The following MYO1H variants were observed in gnomAD, a reference collection of about 807,000 sequenced individuals.
MYO1H encodes unconventional myosin-Ih.
A neutral mutation model predicts 149.3 loss-of-function variants in MYO1H; 118 were observed. The ratio of observed to expected loss-of-function variants is 0.79; its 90% confidence interval spans 0.68 to 0.92. The LOEUF (loss-of-function observed/expected upper bound fraction) is 0.92, where lower values mean the gene tolerates loss of function less well. MYO1H is among the 40% of genes least tolerant of loss of function. The probability of loss-of-function intolerance (pLI) is 0.00; values close to 1 mark genes in which losing one functional copy is unlikely to be tolerated. For missense variants in MYO1H, 1,212 were observed against 1,280.7 expected, an observed-to-expected ratio of 0.95 and a Z score of 0.82; for synonymous variants, 447 against 465.2, an observed-to-expected ratio of 0.96 and a Z score of 0.50.
At chr12:109,424,930 A>G (rs186515517) in intron 17 of MYO1H, 102 bp downstream of exon 17, 2 of 832,084 alleles carry the variant, frequency 2.4e-6, no homozygotes, top group Admixed American at 2.1e-5. Flanking sequence ...TTCTGGAAGT[A>G]TTACTCTCTA....
intron 1 of MYO1H, among the ~76,000 whole-genome samples, chr12:109,354,863 G>A (rs536794462): frequency 6.6e-6 from 1 of 152,284 alleles, no homozygotes; most frequent in African/African-American, 2.4e-5. Flanking sequence ...TTCAGTGTCT[G>A]CCTAGCCTTT....
intron 1 of MYO1H, among the ~76,000 whole-genome samples, chr12:109,375,298 G>A (rs117983234): frequency 0.015 from 2,350 of 152,048 alleles, 31 homozygotes; most frequent in South Asian, 0.054. Flanking sequence ...GGCTACAGGC[G>A]TGTACCACCA....
intron 2 of MYO1H, among the ~76,000 whole-genome samples, chr12:109,390,040 C>T (rs1284502294): frequency 6.6e-6 from 1 of 152,076 alleles, no homozygotes; most frequent in African/African-American, 2.4e-5. Context: ...AGGATCATTG[C>T]GATTAAGCTA....
chr12:109,349,636 A>G (rs1341796435), intron 1 of MYO1H, among the ~76,000 whole-genome samples: 1 of 140,690 alleles, frequency 7.1e-6, no homozygotes, highest in Non-Finnish European at 1.5e-5. Flanking sequence ...CTCAGCCTGG[A>G]TGACAGTCTG....
At chr12:109,438,972 G>T (rs1358587779) in intron 23 of MYO1H, among the ~76,000 whole-genome samples, 1 of 152,194 alleles carries the variant, frequency 6.6e-6, no homozygotes, top group Non-Finnish European at 1.5e-5. Context: ...AGGTGGGGCG[G>T]TAACTAGCCC....
chr12:109,336,565 G>A, the MYO1H span, among the ~76,000 whole-genome samples: 16 of 152,230 alleles, frequency 1.1e-4, no homozygotes, highest in African/African-American at 3.1e-4. Context: ...TGGTCTCCAC[G>A]TACTATAGGC....
chr12:109,377,235 G>GA (rs1257103916), intron 1 of MYO1H, among the ~76,000 whole-genome samples: 20 of 152,148 alleles, frequency 1.3e-4, no homozygotes, highest in Admixed American at 6.5e-5. Context: ...TATAAAGAAA[G>GA]AAAGGTTTAT....
chr12:109,364,883 T>A (rs1477749422), intron 1 of MYO1H, among the ~76,000 whole-genome samples: 1 of 152,220 alleles, frequency 6.6e-6, no homozygotes, highest in Non-Finnish European at 1.5e-5. Flanking sequence ...TACACAAGTA[T>A]TATTCTTTCC....
In MYO1H at chr12:109,400,588, T is replaced by G. The variant is rs189100227; in HGVS notation, c.571-505T>G. Among the ~76,000 whole-genome samples, 383 of 152,328 alleles carry G rather than the reference T, an allele frequency of 2.5e-3. 4 individuals are homozygous for G. The highest frequency in any genetic ancestry group is 8.8e-3 in the African/African-American group (365 of 41,586). On this transcript the variant is annotated intron_variant, in intron 5 of 31. Transcript: ENST00000310903. ...AAAAATCCTTTATTGGATATATTAT[T>G]GAAAATATTAATTAAGACAGTGTGA...
chr12:109,362,440 T>C (rs1475163225), intron 1 of MYO1H, among the ~76,000 whole-genome samples: 1 of 152,210 alleles, frequency 6.6e-6, no homozygotes, highest in Non-Finnish European at 1.5e-5. Flanking sequence ...CTTTGCAGGT[T>C]CATGACTGAG....
intron 19 of MYO1H, among the ~76,000 whole-genome samples, chr12:109,432,142 C>T (rs932506151): frequency 2.6e-5 from 4 of 151,904 alleles, no homozygotes; most frequent in African/African-American, 9.7e-5. Context: ...GCTGGGACTA[C>T]AGGTGCCCGC....
At chr12:109,411,800 T>A (rs1179160437) in intron 13 of MYO1H, 94 bp from the exon 14 acceptor site, 8 of 843,590 alleles carry the variant, frequency 9.5e-6, no homozygotes. Flanking sequence ...AGTCTTTTAG[T>A]CCAGTACTTT....
intron 1 of MYO1H, among the ~76,000 whole-genome samples, chr12:109,362,162 A>G (rs1445241789): frequency 6.6e-6 from 1 of 152,268 alleles, no homozygotes; most frequent in Non-Finnish European, 1.5e-5. Context: ...GCTCTTCCCT[A>G]TAAACCACAA....
At chr12:109,406,152 A>C in intron 8 of MYO1H, 117 bp downstream of exon 8, 1 of 683,368 alleles carries the variant, frequency 1.5e-6, no homozygotes, top group South Asian at 1.8e-5. Flanking sequence ...TTTGGCTGAT[A>C]TTGGTTAGGA....
rs1872228653 is a variant in MYO1H at position 109,443,024 on chromosome 12, A to ATGTG, written c.2689-489_2689-488insGTGT. On this transcript the variant is annotated intron_variant, in intron 27 of 31. Coordinates refer to ENST00000310903, the Ensembl canonical transcript of MYO1H. Reference sequence around the variant, plus strand: ...AAAAAAAAAAAATATATATATATATATATATGTGTGTGTGTGTGTGTGTAT... The same window carrying ATGTG: ...AAAAAAAAAAAATATATATATATATATGTGTATATGTGTGTGTGTGTGTGTGTAT... 4.9e-5 allele frequency among the ~76,000 whole-genome samples: 5 copies of ATGTG among 101,226 alleles called. 1 individual carries two copies. Among genetic ancestry groups the ATGTG allele is most frequent in the East Asian group, 2.8e-4 (1 of 3,542 alleles). 66.4% of individuals were successfully genotyped at this position (101,226 alleles called of 152,430 possible).
At position 109,425,927 on chromosome 12, in the gene MYO1H, TTTCTC is replaced by T; in HGVS notation, c.1726-17_1726-13del. Reference sequence around the variant, plus strand: ...ATCTCTCTGGCTCGTTCTCTCTCTCTTTCTCTCTCTCTCTGCAGGTGGGGACTCAG... The same window carrying T: ...ATCTCTCTGGCTCGTTCTCTCTCTCTTCTCTCTCTGCAGGTGGGGACTCAG... On this transcript the variant is annotated splice_polypyrimidine_tract_variant and intron_variant, in intron 17 of 31. Transcript: ENST00000310903. 4 of 1,520,988 alleles carry T rather than the reference TTTCTC, an allele frequency of 2.6e-6. No individual in the cohort carries two copies. Among genetic ancestry groups the T allele is most frequent in the East Asian group, 2.3e-5 (1 of 43,840 alleles). The allele number at this position is 1,520,988 out of a possible 1,614,324, so 94.2% of individuals were successfully genotyped here.
chr12:109,326,300 G>A, the MYO1H span, among the ~76,000 whole-genome samples: 1 of 151,962 alleles, frequency 6.6e-6, no homozygotes. Context: ...CTTCCATGCT[G>A]TCTGTCATCC....
chr12:109,372,315 T>A (rs1869000087), intron 1 of MYO1H, among the ~76,000 whole-genome samples: 2 of 152,082 alleles, frequency 1.3e-5, no homozygotes, highest in Non-Finnish European at 2.9e-5. Flanking sequence ...AAATATGACA[T>A]AGATGTCCAG....
At chr12:109,399,654 G>A (rs1222334049) in intron 5 of MYO1H, among the ~76,000 whole-genome samples, 2 of 150,548 alleles carry the variant, frequency 1.3e-5, no homozygotes, top group African/African-American at 4.9e-5. Context: ...ACTCACACCT[G>A]TAATCCCAGC....
Sources: gnomAD v4.1 joint callset for allele counts (sites outside exome capture counted in the v4.1 genomes callset) on GRCh38, gnomAD v4.1.1 for gene constraint, MANE v1.5 for transcripts, NCBI Gene and HGNC (gene_info 2026-07-23, HGNC 2026-07-21) for gene names.